Variants in GATB observed in about 807,000 individuals in gnomAD.
GATB encodes the protein glutamyl-tRNA amidotransferase subunit B, also known as glutamyl-tRNA(Gln) amidotransferase subunit B, mitochondrial.
In GATB, 39 loss-of-function variants were observed where a neutral mutation model predicts 62.3. That is an observed-to-expected ratio of 0.63 (90% CI 0.48 to 0.82). The LOEUF is 0.82. GATB is among the 40% of genes least tolerant of loss of function. The pLI is 0.00. For synonymous variants in GATB, 276 were observed against 258.9 expected (o/e 1.07, Z -0.63); for missense variants, 670 against 684.0 (o/e 0.98, Z 0.23).
chr4:151,711,947 A>G (rs911507408), intron 5 of GATB, among the ~76,000 whole-genome samples: 2 of 152,204 alleles, frequency 1.3e-5, no homozygotes, highest in African/African-American at 2.4e-5. Context: ...AATCCTCTGA[A>G]AGGCCCATTA....
chr4:151,744,203 G>C (rs971588561), intron 2 of GATB, among the ~76,000 whole-genome samples: 1 of 152,108 alleles, frequency 6.6e-6, no homozygotes, highest in African/African-American at 2.4e-5. Flanking sequence ...ATAGCTAAAG[G>C]GTTTTAGACA....
intron 5 of GATB, among the ~76,000 whole-genome samples, chr4:151,712,261 C>T (rs1179107873): frequency 1.3e-5 from 2 of 152,144 alleles, no homozygotes; most frequent in Non-Finnish European, 2.9e-5. Context: ...AAAAGACATG[C>T]TATCTAGTGA....
At chr4:151,747,585 T>G (rs181909087) in intron 2 of GATB, among the ~76,000 whole-genome samples, 76 of 152,308 alleles carry the variant, frequency 5.0e-4, no homozygotes, top group African/African-American at 1.8e-3. Flanking sequence ...GGTACAGTAC[T>G]TAAGTTAAAA....
At chr4:151,758,719 C>A (rs1008991672) in intron 2 of GATB, 53 bp downstream of exon 2, 3 of 1,329,634 alleles carry the variant, frequency 2.3e-6, no homozygotes, top group South Asian at 1.6e-5. Flanking sequence ...TTTCCATGTT[C>A]AATATAAAAT....
At chr4:151,742,090 G>GTTT (rs5862970) in intron 2 of GATB, among the ~76,000 whole-genome samples, 13 of 136,308 alleles carry the variant, frequency 9.5e-5, no homozygotes, top group East Asian at 4.3e-4. Flanking sequence ...GAGGGATATG[G>GTTT]TTTTTTTTTT....
At chr4:151,698,576 T>C (rs1738535215) in intron 9 of GATB, among the ~76,000 whole-genome samples, 1 of 152,220 alleles carries the variant, frequency 6.6e-6, no homozygotes, top group South Asian at 2.1e-4. Context: ...CTGTTGTGTT[T>C]CTGATGAAGG....
At chr4:151,740,085 T>A (rs983959439) in intron 2 of GATB, among the ~76,000 whole-genome samples, 3 of 152,236 alleles carry the variant, frequency 2.0e-5, no homozygotes, top group Admixed American at 6.5e-5. Flanking sequence ...ATCAAGCTAT[T>A]ATCTGTAATA....
chr4:151,714,934 T>C (rs895859776), intron 5 of GATB, among the ~76,000 whole-genome samples: 1 of 152,226 alleles, frequency 6.6e-6, no homozygotes, highest in Non-Finnish European at 1.5e-5. Context: ...GTTTTTCCAG[T>C]CTTTAAGTAA....
At chr4:151,745,786 C>A (rs2126995541) in intron 2 of GATB, among the ~76,000 whole-genome samples, 1 of 152,320 alleles carries the variant, frequency 6.6e-6, no homozygotes, top group Non-Finnish European at 1.5e-5. Flanking sequence ...TTCCTGTTTT[C>A]ATTCCATAGC....
chr4:151,719,758 C>A, intron 2 of GATB: 1 of 387,760 alleles, frequency 2.6e-6, no homozygotes, highest in Non-Finnish European at 4.6e-6. Flanking sequence ...TCCCACCGGG[C>A]ACTTAAGGAA....
chr4:151,746,136 T>C (rs1739589443), intron 2 of GATB, among the ~76,000 whole-genome samples: 2 of 152,160 alleles, frequency 1.3e-5, no homozygotes, highest in South Asian at 4.1e-4. Context: ...CTCTCCCCTT[T>C]CCCCTGCGTG....
chr4:151,680,955 A>C (rs546355567), intron 10 of GATB, among the ~76,000 whole-genome samples: 109 of 152,334 alleles, frequency 7.2e-4, no homozygotes, highest in Non-Finnish European at 1.3e-3. Context: ...TGCCTATCTG[A>C]GATCATTTGG....
intron 1 of GATB, among the ~76,000 whole-genome samples, chr4:151,759,373 A>G (rs945949405): frequency 6.6e-6 from 1 of 152,180 alleles, no homozygotes; most frequent in Non-Finnish European, 1.5e-5. Flanking sequence ...ACATTCTACT[A>G]CTAGAGAAAT....
At chr4:151,705,406 C>T (rs930293908) in intron 6 of GATB, 137 bp from the exon 7 acceptor site, 2 of 622,876 alleles carry the variant, frequency 3.2e-6, no homozygotes, top group Non-Finnish European at 2.8e-6. Flanking sequence ...ATAATCCTTC[C>T]CTTACACACT....
At chr4:151,693,978 G>T (rs1458619302) in intron 9 of GATB, among the ~76,000 whole-genome samples, 1 of 152,194 alleles carries the variant, frequency 6.6e-6, no homozygotes, top group African/African-American at 2.4e-5. Context: ...CAGCAGACCG[G>T]CACTGCTAAA....
At chr4:151,704,310 A>C (rs568892326) in intron 7 of GATB, among the ~76,000 whole-genome samples, 1 of 152,334 alleles carries the variant, frequency 6.6e-6, no homozygotes, top group Admixed American at 6.5e-5. Context: ...TAGATTAAGG[A>C]AGTAAAAATT....
chr4:151,675,064 T>C (rs938147694), intron 11 of GATB: 4 of 152,176 alleles, frequency 2.6e-5, no homozygotes, highest in African/African-American at 7.2e-5. Context: ...AGCTCGAATG[T>C]TGGCTGGATT....
chr4:151,698,079 T>C (rs1308051052), intron 9 of GATB, among the ~76,000 whole-genome samples: 1 of 149,708 alleles, frequency 6.7e-6, no homozygotes, highest in Non-Finnish European at 1.5e-5. Flanking sequence ...TACCCCATGA[T>C]TCTCTGGGTT....
intron 2 of GATB, among the ~76,000 whole-genome samples, chr4:151,733,028 C>A (rs1739300458): frequency 6.6e-6 from 1 of 151,768 alleles, no homozygotes; most frequent in African/African-American, 2.4e-5. Flanking sequence ...TGAAAGAGTA[C>A]CAACAGACAA....
Sources: gnomAD v4.1 joint callset for allele counts (sites outside exome capture counted in the v4.1 genomes callset) on GRCh38, gnomAD v4.1.1 for gene constraint, MANE v1.5 for transcripts, NCBI Gene and HGNC (gene_info 2026-07-23, HGNC 2026-07-21) for gene names.